The following MALRD1 variants were observed in gnomAD, a reference collection of about 807,000 sequenced individuals.
The protein encoded by MALRD1 is MAM and LDL receptor class A domain containing 1, also known as MAM and LDL-receptor class A domain-containing protein 1.
MALRD1 carries 247 observed loss-of-function variants against 242.1 expected under a neutral mutation model. That is an observed-to-expected ratio of 1.02 (90% CI 0.92 to 1.13). The LOEUF (loss-of-function observed/expected upper bound fraction) is 1.13, where lower values mean the gene tolerates loss of function less well. Among genes scored for constraint, MALRD1 ranks in the 50% most tolerant of loss-of-function variants. MALRD1 has a pLI of 0.00. For missense variants in MALRD1, 2,989 were observed against 2,533.1 expected (o/e 1.18, Z -3.86); for synonymous variants, 995 against 866.6 (o/e 1.15, Z -2.60).
Position 19,048,814 on chromosome 10 carries a change from G to A in MALRD1, c.-125G>A, listed in dbSNP as rs1365481136. Reference sequence around the variant, plus strand: ...GAGTAATTTGTTAGAGTTGCAGATAGTTACCAATAGTATCCAGTTATAAGA... The same window carrying A: ...GAGTAATTTGTTAGAGTTGCAGATAATTACCAATAGTATCCAGTTATAAGA... On this transcript the variant is annotated 5_prime_UTR_variant, in exon 1 of 40. Transcript: ENST00000454679. 1 of 665,196 alleles carries A rather than the reference G, an allele frequency of 1.5e-6. No individual in the cohort carries two copies. Among genetic ancestry groups the A allele is most frequent in the Non-Finnish European group, 2.1e-6 (1 of 470,674 alleles). 41.2% of individuals were successfully genotyped at this position (665,196 alleles called of 1,614,324 possible).
In MALRD1 at chr10:19,049,133, G is replaced by A. The variant is rs1026219028; in HGVS notation, c.195G>A (p.Arg65=). Residue 65 remains arginine, a synonymous_variant, in exon 1 of 40, where the codon CGG becomes CGA. Coordinates refer to ENST00000454679, the MANE Select transcript of MALRD1 (RefSeq NM_001142308.3). Reference sequence around the variant, plus strand: ...AGTGTGGGGATAGCAGTGATGAACGGCACTGTAAGTGACATTCTCCTTTCT... The same window carrying A: ...AGTGTGGGGATAGCAGTGATGAACGACACTGTAAGTGACATTCTCCTTTCT... ...TDQCGDSSDE[R]HCLNYERCDF... The A allele has an allele frequency of 3.2e-6, 4 of 1,233,716 alleles. No homozygotes were observed. The African/African-American group carries it at 4.7e-5, about 14-fold the overall frequency. The allele number at this position is 1,233,716 out of a possible 1,614,324, so 76.4% of individuals were successfully genotyped here. A position where few individuals can be genotyped will look rare whatever the true frequency, so the allele number is the denominator to read the frequency against.
intron 26 of MALRD1, among the ~76,000 whole-genome samples, chr10:19,355,859 T>TATATATATATATATATATATACATATAC: frequency 5.5e-5 from 1 of 18,260 alleles, no homozygotes; most frequent in Admixed American, 4.5e-4. Context: ...ATATATATAT[T>TATATATATATATATATATATACATATAC]ATATATGATA....
intron 12 of MALRD1, among the ~76,000 whole-genome samples, chr10:19,162,851 G>A (rs1447745857): frequency 6.6e-6 from 1 of 151,904 alleles, no homozygotes; most frequent in Non-Finnish European, 1.5e-5. Context: ...TCTACTATAG[G>A]TCAGGTGCAG....
At chr10:19,301,065 C>A (rs367841923) in intron 21 of MALRD1, among the ~76,000 whole-genome samples, 1 of 151,960 alleles carries the variant, frequency 6.6e-6, no homozygotes, top group Non-Finnish European at 1.5e-5. Context: ...CATGAGCAGA[C>A]ACTTGTCAAA....
At chr10:19,471,663 A>T (rs1179905431) in intron 29 of MALRD1, among the ~76,000 whole-genome samples, 1 of 138,900 alleles carries the variant, frequency 7.2e-6, no homozygotes, top group Non-Finnish European at 1.6e-5. Context: ...CCTCTGCTTA[A>T]TTTTTTTTTT....
At chr10:19,703,346 T>C (rs1833705905) in intron 38 of MALRD1, among the ~76,000 whole-genome samples, 2 of 152,238 alleles carry the variant, frequency 1.3e-5, no homozygotes, top group Admixed American at 6.5e-5. Context: ...TGATTGTATA[T>C]GGGGCGAGGG....
chr10:19,183,822 T>A (rs890076226), intron 14 of MALRD1, among the ~76,000 whole-genome samples: 1 of 152,214 alleles, frequency 6.6e-6, no homozygotes, highest in African/African-American at 2.4e-5. Context: ...CTTGGATGAT[T>A]TAATCAAATG....
Position 19,450,392 on chromosome 10 carries a change from A to C in MALRD1, c.4931A>C (p.Lys1644Thr), listed in dbSNP as rs1232756536. The part of the protein sequence containing the change: ...HWQKADILLG[K>T]LRNFEVIFQG... The stretch of plus-strand genomic sequence containing the variant: ...CAAAAGGCTGACATCCTGCTAGGAA[A>C]GTTAAGGAATTTTGAAGTCATATTT... Residue 1644 changes from lysine (K) to threonine (T), a missense_variant, in exon 29 of 40, where the codon AAG (lysine) becomes ACG (threonine). Physicochemically the swap from Lys to Thr is moderately conservative, Grantham distance 78. Coordinates refer to ENST00000454679, the MANE Select transcript of MALRD1 (RefSeq NM_001142308.3). 2 of 1,550,462 alleles carry C rather than the reference A, an allele frequency of 1.3e-6. No individual in the cohort carries two copies. The highest frequency in any genetic ancestry group is 2.0e-5 in the Admixed American group (1 of 51,000).
At chr10:19,389,855 A>C (rs1846262261) in intron 28 of MALRD1, among the ~76,000 whole-genome samples, 1 of 152,086 alleles carries the variant, frequency 6.6e-6, no homozygotes, top group Non-Finnish European at 1.5e-5. Context: ...TAGAGATTTT[A>C]TATTCTTTGT....
chr10:19,130,667 T>TGTGA (rs147203180), intron 8 of MALRD1, among the ~76,000 whole-genome samples: 9,566 of 152,180 alleles, frequency 0.063, 328 homozygotes, highest in South Asian at 0.14. Context: ...TAATTATGAA[T>TGTGA]GTATGTATTG....
At chr10:19,453,938 C>T (rs1835475036) in intron 29 of MALRD1, among the ~76,000 whole-genome samples, 1 of 151,996 alleles carries the variant, frequency 6.6e-6, no homozygotes, top group Middle Eastern at 3.2e-3. Flanking sequence ...CCTGTAGTCC[C>T]AGCTACTCAG....
At chr10:19,656,775 T>G (rs1841172677) in intron 36 of MALRD1, among the ~76,000 whole-genome samples, 1 of 152,188 alleles carries the variant, frequency 6.6e-6, no homozygotes, top group Non-Finnish European at 1.5e-5. Context: ...GTCTATCAGC[T>G]TGTCCAGTAG....
At chr10:19,076,291 T>C (rs563488307) in intron 2 of MALRD1, among the ~76,000 whole-genome samples, 3 of 151,980 alleles carry the variant, frequency 2.0e-5, no homozygotes, top group Non-Finnish European at 4.4e-5. Flanking sequence ...CATCTATCTA[T>C]CTACCTATCT....
intron 29 of MALRD1, among the ~76,000 whole-genome samples, chr10:19,453,876 G>GAA (rs11399924): frequency 7.6e-4 from 110 of 144,470 alleles, no homozygotes; most frequent in Middle Eastern, 3.8e-3. Context: ...GACTCCGTCT[G>GAA]AAAAAAAAAA....
In MALRD1 at chr10:19,476,208, T is replaced by C. The variant is rs187965518; in HGVS notation, c.5030-15309T>C. Among the ~76,000 whole-genome samples the C allele has an allele frequency of 3.3e-5, 5 of 152,220 alleles. No individual in the cohort carries two copies. In the East Asian group the frequency reaches 5.8e-4, roughly 18 times the overall value. ...AGGTGTTTACGGAAATGTGCTCCAA[T>C]GAGCTGCCCACTAGATGCCTGTCCA... On this transcript the variant is annotated intron_variant, in intron 29 of 39. Coordinates refer to ENST00000454679, the MANE Select transcript of MALRD1 (RefSeq NM_001142308.3).
At chr10:19,380,430 C>T (rs1391169947) in intron 26 of MALRD1, among the ~76,000 whole-genome samples, 1 of 151,872 alleles carries the variant, frequency 6.6e-6, no homozygotes, top group East Asian at 1.9e-4. Flanking sequence ...TGAATTATTC[C>T]CCTCAGCTGT....
intron 28 of MALRD1, among the ~76,000 whole-genome samples, chr10:19,439,507 T>A (rs1473528044): frequency 2.0e-5 from 3 of 150,800 alleles, no homozygotes; most frequent in African/African-American, 7.3e-5. Flanking sequence ...CACTGCACGC[T>A]AGGCTGGGCA....
intron 38 of MALRD1, among the ~76,000 whole-genome samples, chr10:19,695,075 G>C (rs1427506918): frequency 6.6e-6 from 1 of 152,130 alleles, no homozygotes; most frequent in South Asian, 2.1e-4. Context: ...CCTGTCATGG[G>C]GTGGGGCTAG....
At chr10:19,647,021 G>C (rs1840690694) in intron 36 of MALRD1, among the ~76,000 whole-genome samples, 1 of 152,164 alleles carries the variant, frequency 6.6e-6, no homozygotes, top group Admixed American at 6.6e-5. Flanking sequence ...AAAGCTGGAT[G>C]AAACTTGAAA....
Sources: allele counts gnomAD v4.1 joint callset (sites outside exome capture counted in the v4.1 genomes callset), GRCh38; gene constraint gnomAD v4.1.1; transcripts MANE v1.5; gene names NCBI Gene and HGNC (gene_info 2026-07-23, HGNC 2026-07-21).